Variants in ATXN7L1 observed in about 807,000 individuals in gnomAD.
ATXN7L1 encodes the protein ataxin-7-like protein 1.
ATXN7L1 carries 15 observed loss-of-function variants against 70.8 expected under a neutral mutation model. The ratio of observed to expected loss-of-function variants is 0.21; its 90% confidence interval spans 0.14 to 0.33. ATXN7L1 has a LOEUF of 0.33. Among genes scored for constraint, ATXN7L1 ranks in the 10% least tolerant of loss-of-function variants. The pLI is 1.00. For missense variants in ATXN7L1, 975 were observed against 1,097.1 expected (o/e 0.89, Z 1.57); for synonymous variants, 440 against 445.1 (o/e 0.99, Z 0.14).
chr7:105,624,469 G>A (rs907072612), intron 7 of ATXN7L1, among the ~76,000 whole-genome samples: 1 of 152,096 alleles, frequency 6.6e-6, no homozygotes, highest in Non-Finnish European at 1.5e-5. Flanking sequence ...GGCCAACATG[G>A]TGAAACCCCG....
intron 3 of ATXN7L1, among the ~76,000 whole-genome samples, chr7:105,746,954 T>C (rs985734927): frequency 3.9e-5 from 6 of 152,342 alleles, no homozygotes; most frequent in Middle Eastern, 3.4e-3. Context: ...TTCTGTGATT[T>C]TTTTGAATTT....
intron 2 of ATXN7L1, among the ~76,000 whole-genome samples, chr7:105,809,009 C>T (rs538617024): frequency 1.3e-5 from 2 of 152,292 alleles, no homozygotes; most frequent in East Asian, 1.9e-4. Context: ...CCCAAAGAAG[C>T]GTGGATGCAC....
chr7:105,766,704 TG>T (rs1220637373), intron 3 of ATXN7L1, among the ~76,000 whole-genome samples: 1 of 152,242 alleles, frequency 6.6e-6, no homozygotes, highest in Non-Finnish European at 1.5e-5. Context: ...TAGACGATCC[TG>T]TGTTTGGACA....
intron 2 of ATXN7L1, among the ~76,000 whole-genome samples, chr7:105,804,221 C>T (rs1452976257): frequency 6.6e-6 from 1 of 152,192 alleles, no homozygotes; most frequent in Non-Finnish European, 1.5e-5. Flanking sequence ...GATAGCCATG[C>T]TGAGACCAAA....
intron 3 of ATXN7L1, among the ~76,000 whole-genome samples, chr7:105,770,016 C>T (rs966007606): frequency 3.9e-5 from 6 of 152,224 alleles, no homozygotes; most frequent in Non-Finnish European, 8.8e-5. Flanking sequence ...GGAATTGTTA[C>T]AAGTGCTTTG....
At chr7:105,794,422 T>G (rs1728172070) in intron 2 of ATXN7L1, among the ~76,000 whole-genome samples, 2 of 152,210 alleles carry the variant, frequency 1.3e-5, no homozygotes. Context: ...TGGGAGTATT[T>G]ACACGATGGA....
At chr7:105,835,418 G>A (rs917408591) in intron 2 of ATXN7L1, among the ~76,000 whole-genome samples, 1 of 134,452 alleles carries the variant, frequency 7.4e-6, no homozygotes, top group Non-Finnish European at 1.6e-5. Flanking sequence ...GCCTCCCAAA[G>A]TGTTGGGATT....
intron 7 of ATXN7L1, among the ~76,000 whole-genome samples, chr7:105,627,450 G>C (rs1795869812): frequency 6.6e-6 from 1 of 151,746 alleles, no homozygotes; most frequent in Non-Finnish European, 1.5e-5. Context: ...TGCCCAGACT[G>C]GTCTCAAACT....
At position 105,643,042 on chromosome 7, in the gene ATXN7L1, T is replaced by C. The variant is rs74510485; in HGVS notation, c.658A>G (p.Thr220Ala). Residue 220 changes from threonine (T) to alanine (A), a missense_variant, in exon 5 of 12, where the codon ACA becomes GCA. Thr to Ala is a moderately conservative substitution (Grantham distance 58). This residue lies in a region of ATXN7L1 where 192 missense variants were observed against 215.5 expected (regional missense o/e 0.89). Coordinates refer to ENST00000419735, the MANE Select transcript of ATXN7L1 (RefSeq NM_020725.2). The stretch of plus-strand genomic sequence containing the variant: ...GAGGCAGAAACTGCAGTAGTGGTTG[T>C]GGAGTTCATTTTGACATTGGCACCA... The part of the protein sequence containing the change: ...ADGANVKMNS[T>A]TTTAVSASST... 4 of 1,551,084 alleles carry C rather than the reference T, an allele frequency of 2.6e-6. No individual in the cohort carries two copies. In the South Asian group the frequency reaches 3.6e-5, roughly 14 times the overall value.
In ATXN7L1 at chr7:105,642,894, T is replaced by A; in HGVS notation, c.806A>T (p.Asp269Val). Residue 269 changes from aspartate to valine, a missense_variant, in exon 5 of 12, where the codon GAC (aspartate) becomes GTC (valine). Coordinates refer to ENST00000419735, the MANE Select transcript of ATXN7L1 (RefSeq NM_020725.2). The part of the protein sequence containing the change: ...NGKGILPTTI[D>V]KKHQNGTKNS... ...TTTGGTGCCATTTTGGTGTTTCTTGTCTATGGTGGTTGGCAGAATTCCTTT... is the reference window on the plus strand; with the variant it reads ...TTTGGTGCCATTTTGGTGTTTCTTGACTATGGTGGTTGGCAGAATTCCTTT... 1.3e-6 allele frequency: 2 copies of A among 1,551,738 alleles called. No homozygotes were observed. The highest frequency in any genetic ancestry group is 1.7e-6 in the Non-Finnish European group (2 of 1,147,006).
intron 3 of ATXN7L1, among the ~76,000 whole-genome samples, chr7:105,759,707 TTA>T (rs935472033): frequency 3.9e-5 from 6 of 152,176 alleles, no homozygotes; most frequent in Admixed American, 3.3e-4. Flanking sequence ...CCATGGCAAT[TTA>T]TTAAATAACT....
At chr7:105,866,313 C>T (rs80081856) in intron 2 of ATXN7L1, among the ~76,000 whole-genome samples, 4,977 of 152,252 alleles carry the variant, frequency 0.033, 125 homozygotes, top group African/African-American at 0.064. Flanking sequence ...GGTGCCACTT[C>T]GTCCTGCCCT....
chr7:105,642,247 G>A (rs1420171669), intron 5 of ATXN7L1, among the ~76,000 whole-genome samples: 1 of 152,136 alleles, frequency 6.6e-6, no homozygotes, highest in African/African-American at 2.4e-5. Flanking sequence ...ACAAGAGACC[G>A]CCCCAGCACC....
chr7:105,827,996 T>G (rs1811108637), intron 2 of ATXN7L1, among the ~76,000 whole-genome samples: 1 of 152,020 alleles, frequency 6.6e-6, no homozygotes, highest in Non-Finnish European at 1.5e-5. Context: ...TGCCTCAAAT[T>G]TAGGGGAAAA....
intron 2 of ATXN7L1, among the ~76,000 whole-genome samples, chr7:105,828,219 A>C (rs2116580069): frequency 6.6e-6 from 1 of 152,234 alleles, no homozygotes. Flanking sequence ...CTCACAGTTT[A>C]GGATTGGGGT....
intron 2 of ATXN7L1, among the ~76,000 whole-genome samples, chr7:105,865,059 TC>T (rs1817203708): frequency 6.6e-6 from 1 of 152,040 alleles, no homozygotes; most frequent in Admixed American, 6.5e-5. Context: ...GCCCCGGGCA[TC>T]CCCCGGAGCA....
At chr7:105,747,700 T>C (rs1484664945) in intron 3 of ATXN7L1, among the ~76,000 whole-genome samples, 2 of 152,190 alleles carry the variant, frequency 1.3e-5, no homozygotes, top group East Asian at 3.9e-4. Flanking sequence ...GCCCTCACCC[T>C]ATGGGATCTG....
intron 2 of ATXN7L1, among the ~76,000 whole-genome samples, chr7:105,854,635 T>G (rs1378367536): frequency 6.6e-6 from 1 of 152,136 alleles, no homozygotes; most frequent in Non-Finnish European, 1.5e-5. Flanking sequence ...TTTCAAGCAG[T>G]TCAAATCCTT....
chr7:105,800,219 G>A (rs552285808), intron 2 of ATXN7L1, among the ~76,000 whole-genome samples: 5 of 152,260 alleles, frequency 3.3e-5, no homozygotes, highest in African/African-American at 1.2e-4. Flanking sequence ...AGAAAAAAGG[G>A]ACACTGTTGG....
Sources: gnomAD v4.1 joint callset for allele counts (sites outside exome capture counted in the v4.1 genomes callset) on GRCh38, gnomAD v4.1.1 for gene constraint, gnomAD v4.1.1 regional missense constraint, MANE v1.5 for transcripts, NCBI Gene and HGNC (gene_info 2026-07-23, HGNC 2026-07-21) for gene names.